CELF1: variants seen among roughly 807,000 people sequenced by gnomAD.
The protein encoded by CELF1 is CUGBP Elav-like family member 1, also known as 50 kDa nuclear polyadenylated RNA-binding protein.
CELF1 carries 10 observed loss-of-function variants against 61.8 expected under a neutral mutation model. That is an observed-to-expected ratio of 0.16 (90% CI 0.10 to 0.27). The LOEUF is 0.27. CELF1 is among the 10% of genes least tolerant of loss of function. The probability of loss-of-function intolerance (pLI) is 1.00; values close to 1 mark genes in which losing one functional copy is unlikely to be tolerated. For synonymous variants in CELF1, 236 were observed against 225.1 expected (o/e 1.05, Z -0.43); for missense variants, 380 against 639.1 (o/e 0.59, Z 4.37).
At chr11:47,476,812 A>G (rs2080427694) in intron 12 of CELF1, 34 bp downstream of exon 12, 1 of 1,509,414 alleles carries the variant, frequency 6.6e-7, no homozygotes, top group Admixed American at 1.7e-5. Context: ...CTGCACAAAG[A>G]ATAGTCTGAT....
Position 47,553,102 on chromosome 11 carries a change from C to A in CELF1, c.-264G>T, listed in dbSNP as rs1598719827. 5.0e-6 allele frequency: 2 copies of A among 398,622 alleles called. No individual in the cohort carries two copies. The highest frequency in any genetic ancestry group is 7.1e-5 in the East Asian group (2 of 28,072). 24.7% of individuals were successfully genotyped at this position (398,622 alleles called of 1,614,324 possible). A position where few individuals can be genotyped will look rare whatever the true frequency, so the allele number is the denominator to read the frequency against. On this transcript the variant is annotated 5_prime_UTR_variant, in exon 1 of 15. Transcript: ENST00000687097. ...TCCCGGGGGAGCCTCCGCGTCCCGCCGCCGCTGCCGCTGCCGCCAGAGCAG... is the reference window on the plus strand; with the variant it reads ...TCCCGGGGGAGCCTCCGCGTCCCGCAGCCGCTGCCGCTGCCGCCAGAGCAG...
intron 1 of CELF1, among the ~76,000 whole-genome samples, chr11:47,533,804 T>TA (rs1179313226): frequency 0.31 from 16,231 of 51,828 alleles, 4,012 homozygotes; most frequent in South Asian, 0.4. Context: ...AGCGAGACTC[T>TA]CCCCCAAAAA....
chr11:47,515,995 C>A (rs1486092363), intron 1 of CELF1, among the ~76,000 whole-genome samples: 1 of 151,014 alleles, frequency 6.6e-6, no homozygotes, highest in Non-Finnish European at 1.5e-5. Context: ...TGGCTCCCTG[C>A]AACCTCTGCC....
intron 3 of CELF1, chr11:47,496,125 G>C (rs2093045711): frequency 4.0e-6 from 1 of 247,690 alleles, no homozygotes; most frequent in Non-Finnish European, 6.4e-6. Flanking sequence ...CTGCTCCCTA[G>C]TGAGAACAAG....
At chr11:47,561,429 C>A (rs187581269) in intron 2 of CELF1, among the ~76,000 whole-genome samples, 1 of 112,238 alleles carries the variant, frequency 8.9e-6, no homozygotes, top group Non-Finnish European at 1.7e-5. Flanking sequence ...GGCGACAGAA[C>A]GAGACTCCGT....
Position 47,476,940 on chromosome 11 carries a change from A to G in CELF1, c.993T>C (p.Ser331=). Residue 331 remains serine, a synonymous_variant, in exon 12 of 15, where the codon TCT becomes TCC. Coordinates refer to ENST00000687097, the MANE Select transcript of CELF1 (RefSeq NM_001376376.1). ...TGGGGTTGACAGAATTACTGCTGCT[A>G]GAGCTAGGTGAGGACCCTGCTATTA... ...LTSSAGSSPS[S]SSSNSVNPIA... 6.2e-7 allele frequency: 1 copy of G among 1,614,148 alleles called. No homozygotes were observed. Among genetic ancestry groups the G allele is most frequent in the Non-Finnish European group, 8.5e-7 (1 of 1,179,946 alleles).
Position 47,534,321 on chromosome 11 carries a change from C to A in CELF1, c.-154+18671G>T, listed in dbSNP as rs935018275. On this transcript the variant is annotated intron_variant, in intron 1 of 14. Coordinates refer to ENST00000687097, the MANE Select transcript of CELF1 (RefSeq NM_001376376.1). Reference sequence around the variant, plus strand: ...CTGGGATTACAGGCATGAGCCACGGCGCCTGGCCATATTTAGTATTTTTTC... The same window carrying A: ...CTGGGATTACAGGCATGAGCCACGGAGCCTGGCCATATTTAGTATTTTTTC... Among the ~76,000 whole-genome samples, 4 of 151,602 alleles carry A rather than the reference C, an allele frequency of 2.6e-5. No individual in the cohort carries two copies. In the South Asian group the frequency reaches 8.3e-4, roughly 32 times the overall value.
upstream of CELF1, among the ~76,000 whole-genome samples, chr11:47,555,397 A>G (rs2097202929): frequency 6.6e-6 from 1 of 152,102 alleles, no homozygotes; most frequent in Non-Finnish European, 1.5e-5. Context: ...TTGAAGAGCA[A>G]CCAGAAGCTT....
At chr11:47,547,091 A>AAAAAAAAAAAAAAG (rs1390852543) in intron 1 of CELF1, among the ~76,000 whole-genome samples, 1 of 138,678 alleles carries the variant, frequency 7.2e-6, no homozygotes, top group Non-Finnish European at 1.6e-5. Flanking sequence ...AAAAAAAAAA[A>AAAAAAAAAAAAAAG]AAGAAAGAAA....
chr11:47,476,905 A>G lies in CELF1; in HGVS notation c.1028T>C (p.Leu343Pro), dbSNP rs776545719. The change falls in exon 12 of 15, where the codon CTT becomes CCT. Residue 343 changes from leucine to proline, a missense_variant. Physicochemically the swap from Leu to Pro is moderately conservative, Grantham distance 98. Coordinates refer to ENST00000687097, the MANE Select transcript of CELF1 (RefSeq NM_001376376.1). ...SSNSVNPIAS[L>P]GALQTLAGAT... ...TCCAGCTAATGTCTGCAGGGCTCCA[A>G]GTGAGGCTATGGGGTTGACAGAATT... 1 of 1,614,236 alleles carries G rather than the reference A, an allele frequency of 6.2e-7. No individual in the cohort carries two copies. Among genetic ancestry groups the G allele is most frequent in the South Asian group, 1.1e-5 (1 of 91,090 alleles).
intron 4 of CELF1, 34 bp from the exon 5 acceptor site, chr11:47,487,275 T>C (rs2153464601): frequency 6.5e-7 from 1 of 1,537,522 alleles, no homozygotes; most frequent in East Asian, 2.2e-5. Flanking sequence ...AATCAAACTT[T>C]GGAAAGCAGA....
intron 1 of CELF1, among the ~76,000 whole-genome samples, chr11:47,508,940 T>C (rs1597373606): frequency 6.6e-6 from 1 of 151,916 alleles, no homozygotes; most frequent in East Asian, 1.9e-4. Context: ...CAGCTAATTT[T>C]GTGTTTTTAG....
At chr11:47,529,984 T>C (rs1393657165) in intron 1 of CELF1, among the ~76,000 whole-genome samples, 1 of 152,096 alleles carries the variant, frequency 6.6e-6, no homozygotes, top group Non-Finnish European at 1.5e-5. Context: ...GTAAAGAGTA[T>C]ATAAAAGAAA....
intron 3 of CELF1, among the ~76,000 whole-genome samples, chr11:47,495,221 A>T (rs1346196841): frequency 6.6e-6 from 1 of 152,226 alleles, no homozygotes; most frequent in Non-Finnish European, 1.5e-5. Context: ...TGTGGTCAAA[A>T]GACAATGGGT....
At chr11:47,538,102 CAG>C (rs2096675300) in intron 1 of CELF1, among the ~76,000 whole-genome samples, 1 of 151,864 alleles carries the variant, frequency 6.6e-6, no homozygotes. Flanking sequence ...TTTGTAGAGA[CAG>C]AGTCCCTGTA....
At chr11:47,502,171 T>G (rs374354737) in intron 1 of CELF1, among the ~76,000 whole-genome samples, 3 of 152,100 alleles carry the variant, frequency 2.0e-5, no homozygotes, top group Non-Finnish European at 4.4e-5. Context: ...CAGTTGAAAA[T>G]AGAAAGCAGG....
chr11:47,530,805 A>G (rs2096444475), intron 1 of CELF1, among the ~76,000 whole-genome samples: 1 of 152,116 alleles, frequency 6.6e-6, no homozygotes, highest in Non-Finnish European at 1.5e-5. Context: ...AATGGAAAAA[A>G]TTAGCCAGGC....
At chr11:47,560,063 G>A (rs2097220755) in intron 2 of CELF1, among the ~76,000 whole-genome samples, 1 of 151,994 alleles carries the variant, frequency 6.6e-6, no homozygotes, top group South Asian at 2.1e-4. Flanking sequence ...ACTTTGGGAG[G>A]CTGAGTCAGG....
At chr11:47,499,765 A>G (rs1002869399) in intron 2 of CELF1, 161 bp from the exon 3 acceptor site, 7 of 497,598 alleles carry the variant, frequency 1.4e-5, no homozygotes, top group African/African-American at 1.2e-4. Flanking sequence ...GCACACAATG[A>G]AAGTGCTGAT....
Sources: allele counts gnomAD v4.1 joint callset (sites outside exome capture counted in the v4.1 genomes callset), GRCh38; gene constraint gnomAD v4.1.1; transcripts MANE v1.5; gene names NCBI Gene and HGNC (gene_info 2026-07-23, HGNC 2026-07-21).